ZFP90: variants seen among roughly 807,000 people sequenced by gnomAD.
ZFP90 encodes the protein zinc finger protein 90 homolog.
In ZFP90, 38 loss-of-function variants were observed where a neutral mutation model predicts 60.8. The ratio of observed to expected loss-of-function variants is 0.62; its 90% confidence interval spans 0.48 to 0.82. ZFP90 has a LOEUF of 0.82. Among genes scored for constraint, ZFP90 ranks in the 40% least tolerant of loss-of-function variants. ZFP90 has a pLI of 0.00. For missense variants in ZFP90, 711 were observed against 759.1 expected, an observed-to-expected ratio of 0.94 and a Z score of 0.74; for synonymous variants, 287 against 264.8, an observed-to-expected ratio of 1.08 and a Z score of -0.82.
intron 2 of ZFP90, among the ~76,000 whole-genome samples, chr16:68,557,496 TC>T (rs776824582): frequency 3.3e-5 from 5 of 152,030 alleles, no homozygotes; most frequent in Non-Finnish European, 7.4e-5. Context: ...GTATGGTATT[TC>T]ATAAAACAAG....
intron 2 of ZFP90, 26 bp from the exon 3 acceptor site, chr16:68,557,972 A>T (rs1382795051): frequency 1.2e-6 from 2 of 1,613,002 alleles, no homozygotes; most frequent in East Asian, 4.5e-5. Flanking sequence ...GTTGATCCCC[A>T]GTTGAACAGG....
At chr16:68,574,858 A>T (rs2091585633) in intron 2 of ZFP90, among the ~76,000 whole-genome samples, 1 of 143,718 alleles carries the variant, frequency 7.0e-6, no homozygotes, top group South Asian at 2.3e-4. Flanking sequence ...AGGGAAGCAG[A>T]GGTTGCAGTG....
Position 68,565,729 on chromosome 16 carries a change from AAAGTT to A in ZFP90, c.*1036_*1040del, listed in dbSNP as rs2091515840. 1 of 894,446 alleles carries A rather than the reference AAAGTT, an allele frequency of 1.1e-6. No homozygotes were observed. Among genetic ancestry groups the A allele is most frequent in the African/African-American group, 3.0e-5 (1 of 33,556 alleles). The allele number at this position is 894,446 out of a possible 1,614,324, so 55.4% of individuals were successfully genotyped here. A position where few individuals can be genotyped will look rare whatever the true frequency, so the allele number is the denominator to read the frequency against. ...ATTTTCCCGTTAATTTTCTTGCAGA[AAAGTT>A]AAGTCTAATTGCCCATTGCCATAAA... On this transcript the variant is annotated 3_prime_UTR_variant, in exon 5 of 5. Coordinates refer to ENST00000563169, the MANE Select transcript of ZFP90 (RefSeq NM_001305203.2).
rs776333566 is a variant in ZFP90, at chr16:68,564,025, T to C, written c.1238T>C (p.Met413Thr). The C allele has an allele frequency of 1.4e-5, 22 of 1,613,706 alleles. No individual in the cohort carries two copies. The highest frequency in any genetic ancestry group is 1.7e-5 in the Non-Finnish European group (20 of 1,179,958). Residue 413 changes from methionine (M) to threonine (T), a missense_variant, in exon 5 of 5, where the codon ATG (methionine) becomes ACG (threonine). Physicochemically the swap from Met to Thr is moderately conservative, Grantham distance 81. Coordinates refer to ENST00000563169, the MANE Select transcript of ZFP90 (RefSeq NM_001305203.2). ...CAGAGCCCATCCCTTTATAAACATATGAGGATTCATAAGAGAGGCAAACCT... is the reference window on the plus strand; with the variant it reads ...CAGAGCCCATCCCTTTATAAACATACGAGGATTCATAAGAGAGGCAAACCT... ...FGQSPSLYKH[M>T]RIHKRGKPYQ...
chr16:68,548,219 C>G (rs1037615002), intron 2 of ZFP90, among the ~76,000 whole-genome samples: 2 of 152,048 alleles, frequency 1.3e-5, no homozygotes. Flanking sequence ...CATGCTTATC[C>G]TTAATTTGTA....
chr16:68,558,326 G>C (rs1431455998), intron 3 of ZFP90, 147 bp from the exon 4 acceptor site: 1 of 1,110,390 alleles, frequency 9.0e-7, no homozygotes, highest in Non-Finnish European at 1.3e-6. Flanking sequence ...ACTGGAAATA[G>C]GCAATTTGAT....
downstream of ZFP90, among the ~76,000 whole-genome samples, chr16:68,570,479 A>C (rs1597759599): frequency 6.6e-6 from 1 of 152,336 alleles, no homozygotes; most frequent in Admixed American, 6.5e-5. Flanking sequence ...ATGCAAATCA[A>C]GGGGAGGGTT....
rs1426279737 is a variant in ZFP90 at position 68,563,320 on chromosome 16, C to G, written c.533C>G (p.Ala178Gly). The change falls in exon 5 of 5, where the codon GCA (alanine) becomes GGA (glycine). Residue 178 changes from alanine (A) to glycine (G), a missense_variant. Ala to Gly is a moderately conservative substitution (Grantham distance 60). Coordinates refer to ENST00000563169, the MANE Select transcript of ZFP90 (RefSeq NM_001305203.2). ...TNLVTQLNIP[A>G]RIRPSECETL... ...TTGGTTACACAACTGAACATTCCTG[C>G]AAGAATAAGGCCTAGTGAATGTGAG... 1 of 1,613,952 alleles carries G rather than the reference C, an allele frequency of 6.2e-7. No individual in the cohort carries two copies. The highest frequency in any genetic ancestry group is 1.3e-5 in the African/African-American group (1 of 74,894).
chr16:68,555,855 A>G (rs907391745), intron 2 of ZFP90, among the ~76,000 whole-genome samples: 1 of 152,246 alleles, frequency 6.6e-6, no homozygotes, highest in African/African-American at 2.4e-5. Flanking sequence ...GAATCGGTTC[A>G]GCTATACCTA....
chr16:68,560,887 CT>C (rs71148914), intron 4 of ZFP90, among the ~76,000 whole-genome samples: 1 of 145,198 alleles, frequency 6.9e-6, no homozygotes, highest in African/African-American at 2.6e-5. Context: ...GCTTTATCTT[CT>C]TTTTTTTTTC....
downstream of ZFP90, among the ~76,000 whole-genome samples, chr16:68,567,426 C>T (rs1359785103): frequency 1.3e-5 from 2 of 152,170 alleles, no homozygotes; most frequent in Non-Finnish European, 2.9e-5. Flanking sequence ...ATCAGGATGT[C>T]CCTGGGGCTC....
In ZFP90 at chr16:68,554,125, G is replaced by GT. The variant is rs68155311; in HGVS notation, c.34-3859dup. Among the ~76,000 whole-genome samples, 645 of 123,020 alleles carry GT rather than the reference G, an allele frequency of 5.2e-3. 2 individuals carry two copies. Among genetic ancestry groups the GT allele is most frequent in the Middle Eastern group, 0.012 (3 of 248 alleles). 80.7% of individuals were successfully genotyped at this position (123,020 alleles called of 152,430 possible). A position where few individuals can be genotyped will look rare whatever the true frequency, so the allele number is the denominator to read the frequency against. ...GGGTTTATGGGTTGTGTTTTGTTTT[G>GT]TTTTTTTTTTTTTTGAGATGGAGTC... On this transcript the variant is annotated intron_variant, in intron 2 of 4. Transcript: ENST00000563169.
At chr16:68,575,769 G>A (rs929726221) in intron 2 of ZFP90, 1 of 398,210 alleles carries the variant, frequency 2.5e-6, no homozygotes, top group Admixed American at 4.4e-5. Context: ...GTTTCAGTGG[G>A]GACCTGTTCC....
At chr16:68,538,612 G>A (rs548142016), upstream of ZFP90, among the ~76,000 whole-genome samples, 12 of 152,086 alleles carry the variant, frequency 7.9e-5, no homozygotes, top group African/African-American at 1.7e-4. Context: ...AGGCTGAGGC[G>A]GGAGAATCGC....
downstream of ZFP90, among the ~76,000 whole-genome samples, chr16:68,576,433 A>G (rs1255897346): frequency 1.3e-5 from 2 of 152,208 alleles, no homozygotes; most frequent in Non-Finnish European, 2.9e-5. Context: ...GGGTAATAAG[A>G]TGTCTGTAAG....
intron 2 of ZFP90, among the ~76,000 whole-genome samples, chr16:68,554,670 G>A (rs935197514): frequency 2.0e-4 from 31 of 152,118 alleles, no homozygotes; most frequent in Admixed American, 1.5e-3. Context: ...CCAGGAGGCC[G>A]GCCAGGCTCA....
At chr16:68,553,663 G>C (rs1426802260) in intron 2 of ZFP90, among the ~76,000 whole-genome samples, 1 of 152,124 alleles carries the variant, frequency 6.6e-6, no homozygotes. Context: ...CTGTCACCCG[G>C]GCTAGAATGA....
chr16:68,563,641 A>T lies in ZFP90; in HGVS notation c.854A>T (p.Asn285Ile). Residue 285 changes from asparagine (N) to isoleucine (I), a missense_variant, in exon 5 of 5, where the codon AAT becomes ATT. Asn to Ile is a moderately radical substitution (Grantham distance 149, BLOSUM62 -3). Transcript: ENST00000563169. Reference protein sequence around the residue: ...IHTGEKPFECNVCGKAFRHSS... With the variant: ...IHTGEKPFECIVCGKAFRHSS... ...ACTGGGGAGAAACCCTTTGAATGCA[A>T]TGTATGTGGAAAGGCCTTCAGGCAT... 6.2e-7 allele frequency: 1 copy of T among 1,614,108 alleles called. No individual in the cohort carries two copies. Among genetic ancestry groups the T allele is most frequent in the Non-Finnish European group, 8.5e-7 (1 of 1,179,996 alleles).
Position 68,534,229 on chromosome 16 carries a change from C to CTTTTTTTTTTTTTTTT in ZFP90, c.-36+377_-36+378insTTTTTTTTTTTTTTTT, listed in dbSNP as rs1555496914. On this transcript the variant is annotated intron_variant, in intron 2 of 3. Coordinates refer to the ZFP90 transcript ENST00000569109. ...CATTTTTAACTTAAAGATTTTCTTT[C>CTTTTTTTTTTTTTTTT]TTTCTTTTTTTTTTTTTGAGACAGC... Among the ~76,000 whole-genome samples, 7 of 135,148 alleles carry CTTTTTTTTTTTTTTTT rather than the reference C, an allele frequency of 5.2e-5. 3 individuals are homozygous for CTTTTTTTTTTTTTTTT. Among genetic ancestry groups the CTTTTTTTTTTTTTTTT allele is most frequent in the Non-Finnish European group, 3.1e-5 (2 of 64,078 alleles). The allele number at this position is 135,148 out of a possible 152,430, so 88.7% of individuals were successfully genotyped here. A position where few individuals can be genotyped will look rare whatever the true frequency, so the allele number is the denominator to read the frequency against.
Sources: allele counts gnomAD v4.1 joint callset (sites outside exome capture counted in the v4.1 genomes callset), GRCh38; gene constraint gnomAD v4.1.1; transcripts MANE v1.5; gene names NCBI Gene and HGNC (gene_info 2026-07-23, HGNC 2026-07-21).